EFHC1: variants seen among roughly 807,000 people sequenced by gnomAD.
The protein encoded by EFHC1 is EF-hand domain containing 1.
A neutral mutation model predicts 69.9 loss-of-function variants in EFHC1; 53 were observed. The ratio of observed to expected loss-of-function variants is 0.76; its 90% CI spans 0.61 to 0.95. EFHC1 has a LOEUF of 0.95. Ranked by LOEUF, EFHC1 falls within the 40% of genes least tolerant of loss-of-function variation. The probability of loss-of-function intolerance (pLI) is 0.00; values close to 1 mark genes in which losing one functional copy is unlikely to be tolerated. For synonymous variants in EFHC1, 256 were observed against 278.4 expected, an observed-to-expected ratio of 0.92 and a Z score of 0.80; for missense variants, 739 against 798.7, an observed-to-expected ratio of 0.93 and a Z score of 0.90.
rs529652525 is a variant in EFHC1 at position 52,476,190 on chromosome 6, T to C, written c.1279-2847T>C. On this transcript the variant is annotated intron_variant, in intron 7 of 10. Transcript: ENST00000371068. ...AGTCCAGGTAACAAGAAAGTATAGATAACAAGCTGCAGAGAATTTAAAAAT... is the reference window on the plus strand; with the variant it reads ...AGTCCAGGTAACAAGAAAGTATAGACAACAAGCTGCAGAGAATTTAAAAAT... Among the ~76,000 whole-genome samples, 4 of 152,270 alleles carry C rather than the reference T, an allele frequency of 2.6e-5. No homozygotes were observed. The East Asian group carries it at 7.7e-4, about 29-fold the overall frequency.
rs772856314 is a variant in EFHC1, at chr6:52,454,034, G to A, written c.724-61G>A. ...CCATCGTTGATACATAATTGCCAAA[G>A]TAGCCAAGTTGAACTCCCTACTTTT... is the stretch of plus-strand genomic sequence containing the variant. On this transcript the variant is annotated intron_variant, in intron 4 of 10. Transcript: ENST00000371068. 5.0e-6 allele frequency: 8 copies of A among 1,609,864 alleles called. No homozygotes were observed. The African/African-American group carries it at 5.4e-5, about 11-fold the overall frequency.
chr6:52,440,974 A>G (rs181250137), intron 3 of EFHC1, among the ~76,000 whole-genome samples: 1,603 of 151,520 alleles, frequency 0.011, 24 homozygotes, highest in African/African-American at 0.037. Flanking sequence ...CCCACTTTTT[A>G]ATGGGGTTCT....
intron 7 of EFHC1, among the ~76,000 whole-genome samples, chr6:52,470,667 T>G (rs1765417513): frequency 6.6e-6 from 1 of 152,222 alleles, no homozygotes; most frequent in African/African-American, 2.4e-5. Context: ...AACCCAGTAT[T>G]CTTTTGATGA....
At chr6:52,442,220 T>C (rs1338068098) in intron 3 of EFHC1, among the ~76,000 whole-genome samples, 1 of 152,158 alleles carries the variant, frequency 6.6e-6, no homozygotes, top group Non-Finnish European at 1.5e-5. Context: ...CTGTTCAATA[T>C]AATGTTGGCT....
chr6:52,483,088 T>C (rs1765714049), intron 9 of EFHC1: 1 of 378,598 alleles, frequency 2.6e-6, no homozygotes, highest in Admixed American at 4.5e-5. Flanking sequence ...TTGAAAGAAG[T>C]GATGTAATTG....
At position 52,451,900 on chromosome 6, in the gene EFHC1, ATTTGT is replaced by A. The variant is rs1388401106; in HGVS notation, c.574-784_574-780del. Among the ~76,000 whole-genome samples, 5 of 152,080 alleles carry A rather than the reference ATTTGT, an allele frequency of 3.3e-5. No individual in the cohort carries two copies. The East Asian group carries it at 9.7e-4, about 29-fold the overall frequency. Reference sequence around the variant, plus strand: ...GGGAAGGGACTTAATCATATACAGTATTTGTTTTAAGTGAATTAGAAAATTGGGAA... The same window carrying A: ...GGGAAGGGACTTAATCATATACAGTATTTAAGTGAATTAGAAAATTGGGAA... On this transcript the variant is annotated intron_variant, in intron 3 of 10. Coordinates refer to ENST00000371068, the MANE Select transcript of EFHC1 (RefSeq NM_018100.4).
At chr6:52,453,784 G>C in intron 4 of EFHC1, 2 of 1,276,094 alleles carry the variant, frequency 1.6e-6, no homozygotes, top group Non-Finnish European at 2.0e-6. Flanking sequence ...ACTATGTAAA[G>C]AACTTCATTG....
chr6:52,483,370 G>A (rs1220819480), intron 9 of EFHC1: 1 of 152,268 alleles, frequency 6.6e-6, no homozygotes, highest in Non-Finnish European at 1.5e-5. Context: ...CTCAGCCAGA[G>A]AGAGTTATTG....
chr6:52,485,200 C>T (rs1765761827), intron 9 of EFHC1: 1 of 152,154 alleles, frequency 6.6e-6, no homozygotes, highest in Non-Finnish European at 1.5e-5. Flanking sequence ...TATTCATAGT[C>T]ATATATTTAA....
At chr6:52,487,114 G>A (rs1039480260) in intron 9 of EFHC1, 2 of 151,978 alleles carry the variant, frequency 1.3e-5, no homozygotes, top group Non-Finnish European at 2.9e-5. Flanking sequence ...CAGCGTGAAA[G>A]CAGCCGTAAA....
intron 1 of EFHC1, chr6:52,420,961 C>T: frequency 5.8e-6 from 6 of 1,030,350 alleles, no homozygotes; most frequent in Non-Finnish European, 7.1e-6. Flanking sequence ...CCGTCATTCC[C>T]GCCCCACCTC....
In EFHC1 at chr6:52,434,148, C is replaced by A. The variant is rs539234261; in HGVS notation, c.286-4156C>A. Among the ~76,000 whole-genome samples the A allele has an allele frequency of 1.3e-3, 192 of 152,302 alleles. 1 individual carries two copies. The highest frequency in any genetic ancestry group is 4.3e-3 in the African/African-American group (180 of 41,560). On this transcript the variant is annotated intron_variant, in intron 2 of 10. Coordinates refer to ENST00000371068, the MANE Select transcript of EFHC1 (RefSeq NM_018100.4). ...AGTGGGGCTTTCCTTCTTCCCCCAC[C>A]TGTGGAATCTGTACACTGGATTCAC...
intron 9 of EFHC1, chr6:52,488,401 A>T (rs1448172564): frequency 1.3e-5 from 2 of 152,242 alleles, no homozygotes; most frequent in African/African-American, 4.8e-5. Flanking sequence ...GAATTTGAAA[A>T]TTTAGGGAAT....
At chr6:52,435,856 T>C (rs1764520957) in intron 2 of EFHC1, among the ~76,000 whole-genome samples, 1 of 152,218 alleles carries the variant, frequency 6.6e-6, no homozygotes, top group African/African-American at 2.4e-5. Context: ...ACCACTTTAG[T>C]CCACACAGAT....
At chr6:52,425,462 AAGTATT>A (rs1264862187) in intron 2 of EFHC1, among the ~76,000 whole-genome samples, 1 of 152,194 alleles carries the variant, frequency 6.6e-6, no homozygotes, top group African/African-American at 2.4e-5. Flanking sequence ...TGTCGTAAGA[AAGTATT>A]AGTAAAATTC....
chr6:52,442,807 G>T (rs1002660689), intron 3 of EFHC1, among the ~76,000 whole-genome samples: 1 of 152,098 alleles, frequency 6.6e-6, no homozygotes, highest in Non-Finnish European at 1.5e-5. Context: ...TTGGGTATAT[G>T]CCCAGTAATG....
In EFHC1 at chr6:52,438,124, T is replaced by A. The variant is rs9370122; in HGVS notation, c.286-180T>A. 0.32 allele frequency among the ~76,000 whole-genome samples: 49,316 copies of A among 152,054 alleles called. 8,213 individuals carry two copies. The highest frequency in any genetic ancestry group is 0.46 in the Admixed American group (6,959 of 15,280). ...AAAAAAAACAGGTGGCAGGTTAGAT[T>A]TGTCCCATGGACTATAGTTTGCAGT... On this transcript the variant is annotated intron_variant, in intron 2 of 10. Transcript: ENST00000371068.
At chr6:52,459,241 A>C (rs955646102) in intron 5 of EFHC1, among the ~76,000 whole-genome samples, 13 of 152,232 alleles carry the variant, frequency 8.5e-5, no homozygotes, top group South Asian at 6.2e-4. Flanking sequence ...ATAAATAATA[A>C]AAGTTTTGCT....
intron 1 of EFHC1, among the ~76,000 whole-genome samples, chr6:52,422,041 A>G (rs1416652093): frequency 6.6e-6 from 1 of 152,256 alleles, no homozygotes. Flanking sequence ...CATCGTCAGT[A>G]TATCTTCAGC....
Sources: allele counts gnomAD v4.1 joint callset (sites outside exome capture counted in the v4.1 genomes callset), GRCh38; gene constraint gnomAD v4.1.1; transcripts MANE v1.5; gene names NCBI Gene and HGNC (gene_info 2026-07-23, HGNC 2026-07-21).